The following ASTN2 variants were observed in gnomAD, a reference collection of about 807,000 sequenced individuals.
ASTN2 encodes astrotactin-2.
In ASTN2, 54 loss-of-function variants were observed where a neutral mutation model predicts 139.8. That is an observed-to-expected ratio of 0.39 (90% confidence interval 0.31 to 0.48). ASTN2 has a LOEUF of 0.48. Ranked by LOEUF, ASTN2 falls within the 20% of genes least tolerant of loss-of-function variation. ASTN2 has a pLI of 0.95. For synonymous variants in ASTN2, 756 were observed against 719.5 expected (o/e 1.05, Z -0.81); for missense variants, 1,565 against 1,725.1 (o/e 0.91, Z 1.64).
At chr9:117,206,907 A>G (rs1831944425) in intron 3 of ASTN2, among the ~76,000 whole-genome samples, 1 of 152,110 alleles carries the variant, frequency 6.6e-6, no homozygotes, top group African/African-American at 2.4e-5. Context: ...CCCACCCACT[A>G]CAGATATATC....
At chr9:116,957,620 G>A (rs993618110) in intron 10 of ASTN2, among the ~76,000 whole-genome samples, 1 of 152,214 alleles carries the variant, frequency 6.6e-6, no homozygotes, top group Admixed American at 6.5e-5. Flanking sequence ...ATTTTGTACG[G>A]TGCCTCTCAA....
intron 3 of ASTN2, among the ~76,000 whole-genome samples, chr9:117,152,331 C>T (rs1830343108): frequency 6.6e-6 from 1 of 152,164 alleles, no homozygotes; most frequent in African/African-American, 2.4e-5. Flanking sequence ...TCGCCTTTGA[C>T]TCACTGTTGT....
chr9:116,471,203 C>T (rs1023030965), intron 20 of ASTN2, among the ~76,000 whole-genome samples: 12 of 152,218 alleles, frequency 7.9e-5, no homozygotes, highest in African/African-American at 2.4e-4. Flanking sequence ...TGTTAAGTTA[C>T]TACACTCTTT....
intron 19 of ASTN2, among the ~76,000 whole-genome samples, chr9:116,614,082 A>G (rs1170061109): frequency 6.6e-6 from 1 of 152,190 alleles, no homozygotes; most frequent in Non-Finnish European, 1.5e-5. Context: ...TACACCAATA[A>G]CAGACAGAGA....
chr9:117,189,065 C>T (rs1831279694), intron 3 of ASTN2, among the ~76,000 whole-genome samples: 1 of 152,112 alleles, frequency 6.6e-6, no homozygotes, highest in Admixed American at 6.5e-5. Context: ...TGCCAGACAT[C>T]CTAACCTCCC....
intron 10 of ASTN2, among the ~76,000 whole-genome samples, chr9:116,885,701 A>C (rs557058213): frequency 2.6e-4 from 40 of 152,040 alleles, no homozygotes; most frequent in African/African-American, 6.3e-4. Context: ...ACAAAAAAAA[A>C]CCTCTTATCT....
intron 13 of ASTN2, among the ~76,000 whole-genome samples, chr9:116,769,400 G>A (rs919207908): frequency 6.6e-6 from 1 of 152,120 alleles, no homozygotes; most frequent in Non-Finnish European, 1.5e-5. Flanking sequence ...TGAGGAAGTG[G>A]AGACCATTTG....
intron 4 of ASTN2, among the ~76,000 whole-genome samples, chr9:117,103,579 T>C (rs1829033135): frequency 6.6e-6 from 1 of 152,174 alleles, no homozygotes; most frequent in South Asian, 2.1e-4. Context: ...GGCTGCCCTG[T>C]CCACAGACCT....
At chr9:116,428,480 C>T (rs996146806) in intron 22 of ASTN2, among the ~76,000 whole-genome samples, 24 of 151,522 alleles carry the variant, frequency 1.6e-4, no homozygotes, top group Admixed American at 5.3e-4. Context: ...ACCAAGATCG[C>T]GCCACTGCAC....
intron 1 of ASTN2, among the ~76,000 whole-genome samples, chr9:117,348,622 T>A (rs1400633799): frequency 6.6e-6 from 1 of 152,134 alleles, no homozygotes; most frequent in African/African-American, 2.4e-5. Context: ...TTTGTTTGGG[T>A]GTGGGTAGTC....
intron 1 of ASTN2, among the ~76,000 whole-genome samples, chr9:117,387,658 G>T (rs1830434112): frequency 6.6e-6 from 1 of 152,126 alleles, no homozygotes; most frequent in African/African-American, 2.4e-5. Context: ...AGGATACGAG[G>T]CTGGAGATAA....
At chr9:117,404,006 G>A (rs1830912875) in intron 1 of ASTN2, among the ~76,000 whole-genome samples, 2 of 152,104 alleles carry the variant, frequency 1.3e-5, no homozygotes, top group African/African-American at 2.4e-5. Flanking sequence ...ATTCATTATT[G>A]ATTCATACCT....
chr9:116,628,268 T>C (rs988341487), intron 17 of ASTN2, among the ~76,000 whole-genome samples: 3 of 152,102 alleles, frequency 2.0e-5, no homozygotes, highest in African/African-American at 4.8e-5. Flanking sequence ...GTACAGAGCA[T>C]GAAAAGAGTA....
At chr9:116,483,042 A>C (rs1368002469) in intron 20 of ASTN2, among the ~76,000 whole-genome samples, 1 of 152,224 alleles carries the variant, frequency 6.6e-6, no homozygotes, top group African/African-American at 2.4e-5. Context: ...AGCTACAAGA[A>C]GGGTGTCTGG....
At chr9:116,854,368 T>C (rs1443934258) in intron 11 of ASTN2, among the ~76,000 whole-genome samples, 3 of 152,174 alleles carry the variant, frequency 2.0e-5, no homozygotes. Context: ...CAGGCATAAG[T>C]AGTATTATCC....
At chr9:117,220,308 G>A (rs73535204) in intron 2 of ASTN2, among the ~76,000 whole-genome samples, 1 of 151,762 alleles carries the variant, frequency 6.6e-6, no homozygotes, top group Non-Finnish European at 1.5e-5. Flanking sequence ...CTCCCCACAA[G>A]CCTCACCTGT....
At chr9:117,233,224 C>T (rs973872151) in intron 2 of ASTN2, among the ~76,000 whole-genome samples, 2 of 152,174 alleles carry the variant, frequency 1.3e-5, no homozygotes, top group Non-Finnish European at 2.9e-5. Flanking sequence ...TTCCAATTCC[C>T]CCAAGCGAGC....
intron 20 of ASTN2, among the ~76,000 whole-genome samples, chr9:116,466,425 T>C (rs1848649382): frequency 6.6e-6 from 1 of 152,230 alleles, no homozygotes; most frequent in South Asian, 2.1e-4. Context: ...AAAGGCTAGA[T>C]ATGAGGCTGG....
rs1201193194 is a variant in ASTN2 at position 116,952,379 on chromosome 9, T to G, written c.1889+22829A>C. On this transcript the variant is annotated intron_variant, in intron 10 of 22. Coordinates refer to ENST00000313400, the MANE Select transcript of ASTN2 (RefSeq NM_001365068.1). ...CTCAAAGATGCAATGCATTTGCTAT[T>G]GTTGATTGGCTTAGAAGCTCTTGGG... Among the ~76,000 whole-genome samples, 3 of 152,190 alleles carry G rather than the reference T, an allele frequency of 2.0e-5. No individual in the cohort carries two copies. In the East Asian group the frequency reaches 5.8e-4, roughly 29 times the overall value.
Sources: gnomAD v4.1 joint callset for allele counts (sites outside exome capture counted in the v4.1 genomes callset) on GRCh38, gnomAD v4.1.1 for gene constraint, MANE v1.5 for transcripts, NCBI Gene and HGNC (gene_info 2026-07-23, HGNC 2026-07-21) for gene names.